The following ANOS1 variants were observed in gnomAD, a reference collection of about 807,000 sequenced individuals.
The protein encoded by ANOS1 is anosmin-1.
A neutral mutation model predicts 59.0 loss-of-function variants in ANOS1; 6 were observed. The observed-to-expected ratio is 0.10, with a 90% CI of 0.06 to 0.20. The LOEUF is 0.20. ANOS1 is among the 10% of genes least tolerant of loss of function. The pLI, the probability that ANOS1 is intolerant of heterozygous loss-of-function variation, is 1.00. For missense variants in ANOS1, 433 were observed against 542.3 expected, an observed-to-expected ratio of 0.80 and a Z score of 2.00; for synonymous variants, 217 against 223.4, an observed-to-expected ratio of 0.97 and a Z score of 0.25.
At chrX:8,576,485 CACACAT>C (rs1377173851) in intron 6 of ANOS1, among the ~76,000 whole-genome samples, 9 of 104,219 alleles carry the variant, frequency 8.6e-5, no homozygotes, top group Non-Finnish European at 1.5e-4. Context: ...CACACACACA[CACACAT>C]ACACACACAC....
intron 2 of ANOS1, among the ~76,000 whole-genome samples, chrX:8,660,089 C>T (rs1932010868): frequency 9.0e-6 from 1 of 111,131 alleles, no homozygotes; most frequent in Non-Finnish European, 1.9e-5. Context: ...CAGCTTGACA[C>T]CCACTGAACA....
chrX:8,533,154 G>A (rs777667082), intron 13 of ANOS1, 101 bp from the exon 14 acceptor site: 7 of 539,987 alleles, frequency 1.3e-5, no homozygotes, highest in Non-Finnish European at 2.3e-5. Context: ...CCTGGCAAAT[G>A]TTCCTTCCTA....
intron 2 of ANOS1, among the ~76,000 whole-genome samples, chrX:8,650,325 C>G: frequency 8.9e-6 from 1 of 112,480 alleles, no homozygotes; most frequent in South Asian, 3.7e-4. Flanking sequence ...CATGTCAAAT[C>G]ACATGTATTT....
chrX:8,547,778 G>A lies in ANOS1; in HGVS notation c.1354+6174C>T, dbSNP rs1195917108. On this transcript the variant is annotated intron_variant, in intron 9 of 13. Transcript: ENST00000262648. ...TGTCACCCAGGCTGGAGTCAGTGGC[G>A]CGGTCTCGGCTCACTGCAACCTCTG... Among the ~76,000 whole-genome samples, 3 of 111,395 alleles carry A rather than the reference G, an allele frequency of 2.7e-5. No individual in the cohort carries two copies. In the Admixed American group the frequency reaches 2.9e-4, roughly 11 times the overall value.
chrX:8,646,238 C>T (rs927087643), intron 2 of ANOS1, among the ~76,000 whole-genome samples: 5 of 110,694 alleles, frequency 4.5e-5, no homozygotes, highest in African/African-American at 1.6e-4. Flanking sequence ...AGTTCAGTGG[C>T]GCGACCTCAG....
At chrX:8,691,530 C>CGGAT (rs1308351055) in intron 2 of ANOS1, among the ~76,000 whole-genome samples, 3 of 106,392 alleles carry the variant, frequency 2.8e-5, no homozygotes, top group Non-Finnish European at 5.7e-5. Context: ...GATGGATGGA[C>CGGAT]GGATGGATGG....
rs981941655 is a variant in ANOS1, at chrX:8,714,414, C to T, written c.208-14669G>A. On this transcript the variant is annotated intron_variant, in intron 1 of 13. Transcript: ENST00000262648. ...TAATGTTAAGTTATCAAGCTAATTA[C>T]TCACATGCATTAAGAGTAGGTGGAG... 9.9e-5 allele frequency among the ~76,000 whole-genome samples: 11 copies of T among 111,510 alleles called. 1 individual carries two copies.
chrX:8,544,455 T>C (rs1326809769), intron 9 of ANOS1, among the ~76,000 whole-genome samples: 3 of 99,802 alleles, frequency 3.0e-5, no homozygotes. Flanking sequence ...CAATGCCTCA[T>C]ACTCTATCTG....
At position 8,574,640 on chromosome X, in the gene ANOS1, A is replaced by G. The variant is rs142262543; in HGVS notation, c.857-3936T>C. Among the ~76,000 whole-genome samples, 144 of 111,757 alleles carry G rather than the reference A, an allele frequency of 1.3e-3. 1 individual carries two copies. Among genetic ancestry groups the G allele is most frequent in the African/African-American group, 3.5e-3 (109 of 30,757 alleles). On this transcript the variant is annotated intron_variant, in intron 6 of 13. Coordinates refer to ENST00000262648, the MANE Select transcript of ANOS1 (RefSeq NM_000216.4). ...CTGTGCTGGATGCTTCCTGCCCTCGAACATCAGACTCCAAGTTCTTCAGCT... is the reference window on the plus strand; with the variant it reads ...CTGTGCTGGATGCTTCCTGCCCTCGGACATCAGACTCCAAGTTCTTCAGCT...
intron 2 of ANOS1, among the ~76,000 whole-genome samples, chrX:8,664,032 A>G (rs1029179750): frequency 2.7e-5 from 3 of 110,779 alleles, no homozygotes; most frequent in Non-Finnish European, 3.8e-5. Flanking sequence ...GGGAACACAC[A>G]CTGGGGCCTG....
intron 3 of ANOS1, among the ~76,000 whole-genome samples, chrX:8,603,175 A>C (rs892777798): frequency 1.8e-5 from 2 of 112,147 alleles, no homozygotes; most frequent in African/African-American, 6.5e-5. Context: ...AAGATTATGT[A>C]TTTTTTCTAG....
At chrX:8,566,177 G>T in intron 8 of ANOS1, 2 of 753,604 alleles carry the variant, frequency 2.7e-6, no homozygotes, top group Non-Finnish European at 3.1e-6. Flanking sequence ...ACTCCATGTT[G>T]GTCATTTCTG....
At chrX:8,656,279 G>A (rs935050531) in intron 2 of ANOS1, among the ~76,000 whole-genome samples, 5 of 112,630 alleles carry the variant, frequency 4.4e-5, no homozygotes, top group Admixed American at 9.4e-5. Flanking sequence ...AGCAGTGATA[G>A]TTAAAAGCAC....
At chrX:8,554,215 G>A (rs1472675184) in intron 8 of ANOS1, 117 bp from the exon 9 acceptor site, 2 of 582,007 alleles carry the variant, frequency 3.4e-6, no homozygotes, top group Non-Finnish European at 5.7e-6. Flanking sequence ...AACACAGAAG[G>A]CGGGTGATTT....
chrX:8,694,738 A>AAT (rs1307138936), intron 2 of ANOS1, among the ~76,000 whole-genome samples: 1 of 112,456 alleles, frequency 8.9e-6, no homozygotes, highest in Non-Finnish European at 1.9e-5. Context: ...TTAGAATGGA[A>AAT]ATATATCACG....
chrX:8,532,926 G>GC lies in ANOS1; in HGVS notation c.*68dup. The GC allele has an allele frequency of 1.5e-6, 1 of 662,928 alleles. No homozygotes were observed. The highest frequency in any genetic ancestry group is 3.3e-5 in the East Asian group (1 of 30,471). The allele number at this position is 662,928 out of a possible 1,213,427, so 54.6% of individuals were successfully genotyped here. On this transcript the variant is annotated 3_prime_UTR_variant, in exon 14 of 14. Coordinates refer to ENST00000262648, the MANE Select transcript of ANOS1 (RefSeq NM_000216.4). ...CAGTTCCCACTGCCTCTGGAAGTGT[G>GC]CATGTCTCGTGGCCGAAGTTCAACA... is the stretch of plus-strand genomic sequence containing the variant.
chrX:8,717,486 A>G (rs1052434700), intron 1 of ANOS1, among the ~76,000 whole-genome samples: 1 of 111,650 alleles, frequency 9.0e-6, no homozygotes, highest in Admixed American at 9.5e-5. Context: ...GGAAACAACA[A>G]AAACAACCAA....
chrX:8,596,502 G>A (rs766015478), intron 4 of ANOS1, among the ~76,000 whole-genome samples: 97 of 111,841 alleles, frequency 8.7e-4, no homozygotes, highest in Non-Finnish European at 1.5e-3. Context: ...TTGCTAAACC[G>A]TTTGATAAAC....
chrX:8,699,203 A>G (rs1030966984), intron 2 of ANOS1, among the ~76,000 whole-genome samples: 1 of 111,986 alleles, frequency 8.9e-6, no homozygotes, highest in Non-Finnish European at 1.9e-5. Flanking sequence ...AATAAAGTTT[A>G]TAGTACTTTA....
Sources: gnomAD v4.1 joint callset for allele counts (sites outside exome capture counted in the v4.1 genomes callset) on GRCh38, gnomAD v4.1.1 for gene constraint, MANE v1.5 for transcripts, NCBI Gene and HGNC (gene_info 2026-07-23, HGNC 2026-07-21) for gene names.